The following PDE1C variants were observed in gnomAD, a reference collection of about 807,000 sequenced individuals.
PDE1C encodes phosphodiesterase 1C, also known as dual specificity calcium/calmodulin-dependent 3',5'-cyclic nucleotide phosphodiesterase 1C.
In PDE1C, 62 loss-of-function variants were observed where a neutral mutation model predicts 93.1. The observed-to-expected ratio is 0.67, with a 90% CI of 0.54 to 0.82. PDE1C has a LOEUF of 0.82. Ranked by LOEUF, PDE1C falls within the 40% of genes least tolerant of loss-of-function variation. The pLI is 0.00. For synonymous variants in PDE1C, 325 were observed against 310.1 expected, an observed-to-expected ratio of 1.05 and a Z score of -0.50; for missense variants, 742 against 884.6, an observed-to-expected ratio of 0.84 and a Z score of 2.04.
At chr7:32,308,803 A>T (rs1394264099) in intron 1 of PDE1C, among the ~76,000 whole-genome samples, 1 of 152,058 alleles carries the variant, frequency 6.6e-6, no homozygotes, top group East Asian at 1.9e-4. Flanking sequence ...TGGGGAAAAA[A>T]CAGAGCAGAA....
upstream of PDE1C, among the ~76,000 whole-genome samples, chr7:32,073,182 C>T (rs566156054): frequency 5.9e-4 from 90 of 152,184 alleles, 1 homozygote; most frequent in African/African-American, 2.0e-3. Context: ...GGAAAGAAAT[C>T]GACTTTTGCT....
chr7:32,222,572 C>T (rs758016688), intron 1 of PDE1C, among the ~76,000 whole-genome samples: 10 of 152,152 alleles, frequency 6.6e-5, no homozygotes, highest in Non-Finnish European at 1.3e-4. Flanking sequence ...ATCTTCTAAG[C>T]CAGTTGGAAG....
intron 2 of PDE1C, among the ~76,000 whole-genome samples, chr7:32,190,156 A>T (rs903851527): frequency 2.0e-5 from 3 of 152,242 alleles, no homozygotes; most frequent in African/African-American, 7.2e-5. Flanking sequence ...GAAATTAGGC[A>T]ATTATTTCAT....
chr7:31,994,666 A>T (rs1432218259), intron 2 of PDE1C, among the ~76,000 whole-genome samples: 1 of 152,188 alleles, frequency 6.6e-6, no homozygotes, highest in Non-Finnish European at 1.5e-5. Context: ...TCAGTCATTA[A>T]GTTTCACAGG....
At chr7:31,657,819 C>T in the PDE1C span, among the ~76,000 whole-genome samples, 6 of 151,896 alleles carry the variant, frequency 4.0e-5, no homozygotes, top group East Asian at 1.2e-3. Flanking sequence ...ATTATGAGAC[C>T]AAACTCAAGT....
chr7:31,859,199 A>G (rs924569996), intron 7 of PDE1C, among the ~76,000 whole-genome samples: 2 of 149,602 alleles, frequency 1.3e-5, no homozygotes, highest in Admixed American at 6.7e-5. Flanking sequence ...GACTATATAT[A>G]GACTATATAT....
intron 1 of PDE1C, among the ~76,000 whole-genome samples, chr7:32,419,365 CAGAG>C (rs1172438800): frequency 6.6e-6 from 1 of 152,172 alleles, no homozygotes; most frequent in East Asian, 1.9e-4. Flanking sequence ...TAGAGAACAA[CAGAG>C]AGAAAGAGAG....
At chr7:31,787,519 T>C (rs1784126832) in intron 16 of PDE1C, 1 of 152,190 alleles carries the variant, frequency 6.6e-6, no homozygotes, top group African/African-American at 2.4e-5. Context: ...ATAGAGCTAT[T>C]TGGTGACATG....
At chr7:32,018,821 T>C (rs1258537730) in intron 2 of PDE1C, among the ~76,000 whole-genome samples, 1 of 152,178 alleles carries the variant, frequency 6.6e-6, no homozygotes, top group Non-Finnish European at 1.5e-5. Context: ...TTTATAGTAT[T>C]GAATTGTATC....
intron 2 of PDE1C, among the ~76,000 whole-genome samples, chr7:31,961,995 T>C (rs998963458): frequency 9.2e-5 from 14 of 152,206 alleles, no homozygotes; most frequent in Non-Finnish European, 1.9e-4. Context: ...TAGTGATCTC[T>C]GTAAAATCTA....
chr7:32,423,708 C>T (rs949311544), intron 1 of PDE1C, among the ~76,000 whole-genome samples: 9 of 151,006 alleles, frequency 6.0e-5, no homozygotes, highest in Non-Finnish European at 8.9e-5. Context: ...TCACAGAAGA[C>T]GTAGATGGAA....
At chr7:32,421,285 T>C (rs1337875687) in intron 1 of PDE1C, among the ~76,000 whole-genome samples, 2 of 152,196 alleles carry the variant, frequency 1.3e-5, no homozygotes, top group African/African-American at 4.8e-5. Context: ...AGCCTCTCTC[T>C]CATCCCACTC....
intron 2 of PDE1C, among the ~76,000 whole-genome samples, chr7:31,891,302 C>T (rs1414675060): frequency 1.3e-5 from 2 of 152,130 alleles, no homozygotes; most frequent in Non-Finnish European, 2.9e-5. Context: ...CTGTGGTAGG[C>T]TCAAGAGGAA....
intron 1 of PDE1C, among the ~76,000 whole-genome samples, chr7:32,374,239 A>AG (rs1784386539): frequency 1.5e-5 from 2 of 132,532 alleles, no homozygotes; most frequent in East Asian, 2.3e-4. Context: ...AAAAAGAAAG[A>AG]AGGAAGGAAA....
chr7:31,626,939 A>T, the PDE1C span, among the ~76,000 whole-genome samples: 1 of 152,240 alleles, frequency 6.6e-6, no homozygotes, highest in African/African-American at 2.4e-5. Flanking sequence ...TAGAAAGTGG[A>T]TGGTCACCCA....
At chr7:31,993,976 G>A (rs535188531) in intron 2 of PDE1C, among the ~76,000 whole-genome samples, 10 of 152,108 alleles carry the variant, frequency 6.6e-5, no homozygotes, top group Admixed American at 1.3e-4. Context: ...GTAGAAGATA[G>A]AATAAATAAC....
At chr7:31,768,881 C>T (rs1040227014) in intron 17 of PDE1C, among the ~76,000 whole-genome samples, 1 of 152,074 alleles carries the variant, frequency 6.6e-6, no homozygotes, top group Non-Finnish European at 1.5e-5. Flanking sequence ...CTCCAACCTC[C>T]GCCTCCCAGG....
intron 1 of PDE1C, among the ~76,000 whole-genome samples, chr7:32,365,081 C>T (rs1784205386): frequency 6.6e-6 from 1 of 152,122 alleles, no homozygotes; most frequent in Non-Finnish European, 1.5e-5. Flanking sequence ...GAGAAACAGC[C>T]CCACAGTGAA....
intron 3 of PDE1C, among the ~76,000 whole-genome samples, chr7:32,140,902 G>C (rs186456480): frequency 1.3e-5 from 2 of 152,310 alleles, no homozygotes; most frequent in Admixed American, 1.3e-4. Flanking sequence ...ATAATTATAT[G>C]CTAAGTGGTT....
Sources: allele counts gnomAD v4.1 joint callset (sites outside exome capture counted in the v4.1 genomes callset), GRCh38; gene constraint gnomAD v4.1.1; transcripts MANE v1.5; gene names NCBI Gene and HGNC (gene_info 2026-07-23, HGNC 2026-07-21).